The following HMCN2 variants were observed in gnomAD, a reference collection of about 807,000 sequenced individuals.
HMCN2 encodes the protein hemicentin-2.
Under a neutral mutation model 377.5 loss-of-function variants are expected in HMCN2, and 325 were observed. The observed-to-expected ratio is 0.86, with a 90% CI of 0.79 to 0.94. The LOEUF is 0.94. HMCN2 is among the 40% of genes least tolerant of loss of function. The pLI, the probability that HMCN2 is intolerant of heterozygous loss-of-function variation, is 0.00. For synonymous variants in HMCN2, 2,007 were observed against 2,046.8 expected, an observed-to-expected ratio of 0.98 and a Z score of 0.53; for missense variants, 4,543 against 4,725.3, an observed-to-expected ratio of 0.96 and a Z score of 1.13.
At position 130,391,968 on chromosome 9, in the gene HMCN2, C is replaced by G. The variant is rs1201350966; in HGVS notation, c.9986C>G (p.Ser3329Trp). The part of the protein sequence containing the change: ...PPTIKQGADG[S>W]GTLVSRPGEL... ...ACCATCAAGCAGGGAGCAGACGGCT[C>G]GGGGACCCTGGTGAGCAGGCCTGGG... is the stretch of plus-strand genomic sequence containing the variant. The change falls in exon 66 of 98, where the codon TCG becomes TGG. Residue 3329 changes from serine (S) to tryptophan (W), a missense_variant. Physicochemically the swap from Ser to Trp is radical, Grantham distance 177 (BLOSUM62 -3). This residue lies in a region of HMCN2 where 1,073 missense variants were observed against 1,319.5 expected (regional missense o/e 0.81). Coordinates refer to ENST00000683500, the MANE Select transcript of HMCN2 (RefSeq NM_001291815.2). 1.0e-6 allele frequency: 1 copy of G among 988,118 alleles called. No homozygotes were observed. 61.2% of individuals were successfully genotyped at this position (988,118 alleles called of 1,614,324 possible).
At chr9:130,309,175 G>A (rs1837072932) in intron 14 of HMCN2, among the ~76,000 whole-genome samples, 1 of 152,218 alleles carries the variant, frequency 6.6e-6, no homozygotes, top group Non-Finnish European at 1.5e-5. Context: ...AGAATCAGGT[G>A]TGTCCATCAG....
rs117107218 is a variant in HMCN2, at chr9:130,304,098, C to A, written c.1543+490C>A. On this transcript the variant is annotated intron_variant, in intron 10 of 97. Transcript: ENST00000683500. The surrounding 1 kb of genome is among the most constrained non-coding windows in gnomAD (Gnocchi z 4.3). ...AAGATCAGCCACTCTACATAGACAG[C>A]CAGAAACTACACATGCTCTTTGTAG... Among the ~76,000 whole-genome samples, 1 of 152,196 alleles carries A rather than the reference C, an allele frequency of 6.6e-6. No homozygotes were observed. The highest frequency in any genetic ancestry group is 2.4e-5 in the African/African-American group (1 of 41,452).
chr9:130,289,119 C>A (rs1433197106), intron 4 of HMCN2, among the ~76,000 whole-genome samples: 1 of 152,138 alleles, frequency 6.6e-6, no homozygotes, highest in Non-Finnish European at 1.5e-5. Context: ...TCCCCCGTGC[C>A]TGGGAAAGCC....
At chr9:130,333,996 T>C (rs1221260828) in intron 22 of HMCN2, among the ~76,000 whole-genome samples, 4 of 152,070 alleles carry the variant, frequency 2.6e-5, no homozygotes, top group Admixed American at 1.3e-4. Flanking sequence ...GATGGCAGGA[T>C]GTTCAGGAAG....
rs1836098876 is a variant in HMCN2 at position 130,295,724 on chromosome 9, C to T, written c.843C>T (p.Ala281=). The change falls in exon 6 of 98, where the codon GCC becomes GCT. Residue 281 remains alanine, a synonymous_variant. Transcript: ENST00000683500. ...LNVLLNIPDS[A]KVVAFKPEHP... ...TGCTTCTCAACATCCCTGACTCGGC[C>T]AAGGTCGTAGCCTTTAAGCCTGAGC... The T allele has an allele frequency of 2.1e-6, 1 of 470,976 alleles. No homozygotes were observed. The highest frequency in any genetic ancestry group is 4.4e-6 in the Non-Finnish European group (1 of 227,014). 29.2% of individuals were successfully genotyped at this position (470,976 alleles called of 1,614,324 possible). A position where few individuals can be genotyped will look rare whatever the true frequency, so the allele number is the denominator to read the frequency against.
chr9:130,405,362 GTC>G (rs1843042932), intron 81 of HMCN2, among the ~76,000 whole-genome samples: 1 of 152,258 alleles, frequency 6.6e-6, no homozygotes, highest in Non-Finnish European at 1.5e-5. Context: ...CCCAGTTGTT[GTC>G]AACCATGCGT....
intron 33 of HMCN2, 29 bp downstream of exon 33, chr9:130,355,883 T>TGG: frequency 8.1e-7 from 1 of 1,229,228 alleles, no homozygotes; most frequent in Non-Finnish European, 1.1e-6. Flanking sequence ...AGGCCAGGGC[T>TGG]GGGGGTAGGC....
chr9:130,277,759 AT>A (rs1834785766), intron 1 of HMCN2, among the ~76,000 whole-genome samples: 2 of 140,364 alleles, frequency 1.4e-5, no homozygotes, highest in African/African-American at 2.6e-5. Context: ...CACCATCATC[AT>A]CATCACCACC....
chr9:130,283,529 A>T (rs1029506075), intron 1 of HMCN2, among the ~76,000 whole-genome samples: 3 of 151,990 alleles, frequency 2.0e-5, no homozygotes, highest in Admixed American at 6.6e-5. Flanking sequence ...CAAATGATAC[A>T]CTGAGGATCC....
rs903186597 is a variant in HMCN2 at position 130,266,099 on chromosome 9, C to A, written c.221C>A (p.Ala74Asp). Reference protein sequence around the residue: ...LERSLSRRSQAIANYALVPFH... With the variant: ...LERSLSRRSQDIANYALVPFH... The stretch of plus-strand genomic sequence containing the variant: ...CGCAGTCTGAGCCGCCGCAGCCAGG[C>A]CATCGCCAACTACGCGCTGGTGCCC... Residue 74 changes from alanine to aspartate, a missense_variant, in exon 1 of 98, where the codon GCC becomes GAC. Ala to Asp is a moderately radical substitution (Grantham distance 126, BLOSUM62 -2). Transcript: ENST00000683500. The A allele has an allele frequency of 2.1e-6, 1 of 469,696 alleles. No individual in the cohort carries two copies. The highest frequency in any genetic ancestry group is 2.3e-5 in the Admixed American group (1 of 42,592). 29.1% of individuals were successfully genotyped at this position (469,696 alleles called of 1,614,324 possible).
Position 130,394,635 on chromosome 9 carries a change from G to A in HMCN2, c.10692+60G>A. 2 of 1,200,668 alleles carry A rather than the reference G, an allele frequency of 1.7e-6. No homozygotes were observed. Among genetic ancestry groups the A allele is most frequent in the South Asian group, 2.8e-5 (2 of 70,560 alleles). The allele number at this position is 1,200,668 out of a possible 1,614,324, so 74.4% of individuals were successfully genotyped here. A position where few individuals can be genotyped will look rare whatever the true frequency, so the allele number is the denominator to read the frequency against. On this transcript the variant is annotated intron_variant, in intron 69 of 97. Transcript: ENST00000683500. This position sits in a 1 kb window ranked among gnomAD's most constrained non-coding sequence, Gnocchi z 5.1. ...GTTGGGGGAGAGGGGAGGGACTGCA[G>A]GTTCCCCAGACCCAGTGGGCAGTTG...
chr9:130,420,065 CTTTT>C (rs10586199), intron 86 of HMCN2, among the ~76,000 whole-genome samples: 2,735 of 77,012 alleles, frequency 0.036, 49 homozygotes, highest in African/African-American at 0.1. Flanking sequence ...CGTCCCACTT[CTTTT>C]TTTTTTTTTT....
chr9:130,371,895 G>C (rs1425515015), intron 46 of HMCN2, among the ~76,000 whole-genome samples: 1 of 152,228 alleles, frequency 6.6e-6, no homozygotes, highest in African/African-American at 2.4e-5. Context: ...GTTCCTCTGA[G>C]AGGAGCTGTC....
chr9:130,395,344 G>A lies in HMCN2; in HGVS notation c.10908G>A (p.Leu3636=), dbSNP rs1842558110. 1 of 1,286,638 alleles carries A rather than the reference G, an allele frequency of 7.8e-7. No homozygotes were observed. The highest frequency in any genetic ancestry group is 1.0e-6 in the Non-Finnish European group (1 of 987,422). 79.7% of individuals were successfully genotyped at this position (1,286,638 alleles called of 1,614,324 possible). The change falls in exon 71 of 98, where the codon CTG becomes CTA. Residue 3636 remains leucine (L), a synonymous_variant. Transcript: ENST00000683500. The stretch of plus-strand genomic sequence containing the variant: ...CGTGGCACCGAGACGGCATTGTGCT[G>A]CAGGTGGGCGCCAGGCAGGGCCCCA... ...KITWHRDGIV[L]QEDAHTQFPE...
chr9:130,429,497 C>A, intron 93 of HMCN2, 60 bp from the exon 94 acceptor site: 1 of 1,544,912 alleles, frequency 6.5e-7, no homozygotes, highest in Non-Finnish European at 8.7e-7. Context: ...ATGGTCCGTC[C>A]CTTGGGGGAG....
chr9:130,421,610 G>A (rs1253742144), intron 86 of HMCN2, among the ~76,000 whole-genome samples: 1 of 152,104 alleles, frequency 6.6e-6, no homozygotes, highest in East Asian at 1.9e-4. Flanking sequence ...CTCATCTGCA[G>A]CTCCCGATCT....
intron 22 of HMCN2, among the ~76,000 whole-genome samples, chr9:130,335,343 A>C (rs1288647640): frequency 2.0e-5 from 3 of 152,150 alleles, no homozygotes; most frequent in Admixed American, 2.0e-4. Context: ...TAATTTTTTA[A>C]AAAGCTGTAG....
In HMCN2 at chr9:130,393,651, G is replaced by A. The variant is rs12339022; in HGVS notation, c.10235-91G>A. On this transcript the variant is annotated intron_variant, in intron 67 of 97. Coordinates refer to ENST00000683500, the MANE Select transcript of HMCN2 (RefSeq NM_001291815.2). This position sits in a 1 kb window ranked among gnomAD's most constrained non-coding sequence, Gnocchi z 5.2. ...TCACCTGGCCTTGGGGGACCAGGGC[G>A]GCTTCCTGGAAGAGGTGATGTCTAA... The A allele has an allele frequency of 0.022, 24,939 of 1,147,094 alleles. 639 individuals carry two copies. Among genetic ancestry groups the A allele is most frequent in the African/African-American group, 0.12 (7,301 of 60,520 alleles). 71.1% of individuals were successfully genotyped at this position (1,147,094 alleles called of 1,614,324 possible).
intron 25 of HMCN2, among the ~76,000 whole-genome samples, chr9:130,345,853 C>T (rs931571334): frequency 3.6e-4 from 55 of 152,020 alleles, no homozygotes; most frequent in African/African-American, 1.1e-3. Flanking sequence ...TGGCACTTTA[C>T]GGTGGGCGGT....
Sources: gnomAD v4.1 joint callset for allele counts (sites outside exome capture counted in the v4.1 genomes callset) on GRCh38, gnomAD v4.1.1 for gene constraint, gnomAD v4.1.1 regional missense constraint, Gnocchi (gnomAD v3.1) non-coding constraint, MANE v1.5 for transcripts, NCBI Gene and HGNC (gene_info 2026-07-23, HGNC 2026-07-21) for gene names.